STK10: variants seen among roughly 807,000 people sequenced by gnomAD.
STK10 encodes the protein serine/threonine kinase 10, also known as serine/threonine-protein kinase 10.
In STK10, 78 loss-of-function variants were observed where a neutral mutation model predicts 113.8. The ratio of observed to expected loss-of-function variants is 0.69; its 90% confidence interval spans 0.57 to 0.83. STK10 has a LOEUF of 0.83. Ranked by LOEUF, STK10 falls within the 40% of genes least tolerant of loss-of-function variation. The pLI is 0.00. For missense variants in STK10, 1,109 were observed against 1,280.1 expected, an observed-to-expected ratio of 0.87 and a Z score of 2.04; for synonymous variants, 465 against 494.7, an observed-to-expected ratio of 0.94 and a Z score of 0.80.
chr5:172,175,305 G>A (rs1031838517), intron 1 of STK10, among the ~76,000 whole-genome samples: 2 of 152,058 alleles, frequency 1.3e-5, no homozygotes, highest in African/African-American at 4.8e-5. Context: ...GTAAGCTATG[G>A]GGGGAGAAGG....
At chr5:172,161,952 T>A (rs894954687) in intron 1 of STK10, among the ~76,000 whole-genome samples, 1 of 152,236 alleles carries the variant, frequency 6.6e-6, no homozygotes, top group African/African-American at 2.4e-5. Context: ...GGACATTTCA[T>A]GATGGGCCAT....
In STK10 at chr5:172,140,912, A is replaced by C. The variant is rs1227293045; in HGVS notation, c.322-13491T>G. On this transcript the variant is annotated intron_variant, in intron 2 of 18. Coordinates refer to ENST00000176763, the MANE Select transcript of STK10 (RefSeq NM_005990.4). ...TGGATAAAGAAAATGTAGTATGTAC[A>C]CACAATGGATCCCTATTCTGCCTTA... is the stretch of plus-strand genomic sequence containing the variant. Among the ~76,000 whole-genome samples the C allele has an allele frequency of 2.6e-5, 4 of 152,194 alleles. No homozygotes were observed. The East Asian group carries it at 7.7e-4, about 29-fold the overall frequency.
chr5:172,106,946 T>C, intron 5 of STK10, 132 bp from the exon 6 acceptor site: 1 of 866,896 alleles, frequency 1.2e-6, no homozygotes, highest in Non-Finnish European at 1.7e-6. Context: ...TCTGCGTGAC[T>C]TTGCATCCCA....
Position 172,099,919 on chromosome 5 carries a change from T to G in STK10, c.871-3359A>C, listed in dbSNP as rs535635606. ...TCTGCTTTCTTGAGGCAGAATCATCTGCCCACTGCCTCCCTGACCACCCCA... is the reference window on the plus strand; with the variant it reads ...TCTGCTTTCTTGAGGCAGAATCATCGGCCCACTGCCTCCCTGACCACCCCA... On this transcript the variant is annotated intron_variant, in intron 7 of 18. Transcript: ENST00000176763. Among the ~76,000 whole-genome samples the G allele has an allele frequency of 9.1e-4, 138 of 152,344 alleles. 1 individual carries two copies. Among genetic ancestry groups the G allele is most frequent in the African/African-American group, 3.1e-3 (130 of 41,574 alleles).
chr5:172,053,034 C>G lies in STK10; in HGVS notation c.2661G>C (p.Lys887Asn). 6.2e-7 allele frequency: 1 copy of G among 1,614,028 alleles called. No individual in the cohort carries two copies. Among genetic ancestry groups the G allele is most frequent in the Non-Finnish European group, 8.5e-7 (1 of 1,179,950 alleles). Residue 887 changes from lysine to asparagine, a missense_variant, in exon 18 of 19, where the codon AAG becomes AAC. Lys to Asn is a moderately conservative substitution (Grantham distance 94). Coordinates refer to ENST00000176763, the MANE Select transcript of STK10 (RefSeq NM_005990.4). The part of the protein sequence containing the change: ...MSELQQLQNE[K>N]CHLLVEHETQ... ...TTTCGTGCTCTACCAGGAGGTGGCA[C>G]TTTTCATTCTGGAACAGATTCCAGG...
intron 1 of STK10, among the ~76,000 whole-genome samples, chr5:172,175,284 T>C (rs1184809301): frequency 1.3e-5 from 2 of 151,708 alleles, no homozygotes; most frequent in Admixed American, 6.6e-5. Flanking sequence ...TCTGTTAGTA[T>C]GAAAAAATCG....
intron 3 of STK10, 109 bp from the exon 4 acceptor site, chr5:172,117,739 G>A: frequency 6.8e-7 from 1 of 1,469,018 alleles, no homozygotes; most frequent in Non-Finnish European, 9.2e-7. Flanking sequence ...ATTAGGCCAG[G>A]CGTGGTGGCT....
At chr5:172,055,177 T>TA (rs11385901) in intron 16 of STK10, among the ~76,000 whole-genome samples, 99,604 of 151,728 alleles carry the variant, frequency 0.66, 33,549 homozygotes, top group African/African-American at 0.78. Context: ...CAAGACCTTA[T>TA]GGCGGGTGGG....
intron 15 of STK10, 49 bp downstream of exon 15, chr5:172,057,300 C>T: frequency 6.4e-7 from 1 of 1,560,376 alleles, no homozygotes; most frequent in Non-Finnish European, 8.6e-7. Context: ...ATGGCTCTCC[C>T]AGGTCGGCCC....
chr5:172,177,443 C>G (rs904087533), intron 1 of STK10, among the ~76,000 whole-genome samples: 1 of 152,226 alleles, frequency 6.6e-6, no homozygotes, highest in African/African-American at 2.4e-5. Flanking sequence ...CTGGCCCTGG[C>G]CCATGCCCAC....
chr5:172,059,271 A>G (rs922251477), intron 14 of STK10, among the ~76,000 whole-genome samples: 1 of 151,938 alleles, frequency 6.6e-6, no homozygotes, highest in African/African-American at 2.4e-5. Flanking sequence ...AAATATAAAA[A>G]ATTAGCTGGA....
chr5:172,156,369 T>A (rs1329024673), intron 2 of STK10, among the ~76,000 whole-genome samples: 2 of 152,200 alleles, frequency 1.3e-5, no homozygotes, highest in Non-Finnish European at 2.9e-5. Context: ...TTATTAAGCT[T>A]GTAAACAGCA....
At chr5:172,102,458 G>A (rs753943929) in intron 7 of STK10, among the ~76,000 whole-genome samples, 1 of 152,196 alleles carries the variant, frequency 6.6e-6, no homozygotes, top group Non-Finnish European at 1.5e-5. Flanking sequence ...ACAGCTGGAC[G>A]CGGGCCGAGG....
chr5:172,101,468 T>TC (rs1409539054), intron 7 of STK10, among the ~76,000 whole-genome samples: 259 of 123,082 alleles, frequency 2.1e-3, no homozygotes, highest in African/African-American at 9.4e-3. Context: ...AGACTCCGTC[T>TC]CCAAAAAAAA....
intron 2 of STK10, 66 bp from the exon 3 acceptor site, chr5:172,127,487 C>T (rs1336727764): frequency 2.5e-6 from 4 of 1,570,096 alleles, no homozygotes; most frequent in Middle Eastern, 1.7e-4. Flanking sequence ...GGGAACCCCA[C>T]AGGCCCATTG....
chr5:172,177,510 C>T (rs1393379999), intron 1 of STK10, among the ~76,000 whole-genome samples: 6 of 152,208 alleles, frequency 3.9e-5, no homozygotes, highest in South Asian at 2.1e-4. Flanking sequence ...CCAGATCTGT[C>T]GTGCCCAACA....
intron 17 of STK10, among the ~76,000 whole-genome samples, chr5:172,053,642 G>A (rs1253068259): frequency 6.6e-6 from 1 of 152,180 alleles, no homozygotes; most frequent in South Asian, 2.1e-4. Flanking sequence ...TTTCTTGCAG[G>A]GAATCAGTCT....
In STK10 at chr5:172,110,032, C is replaced by A. The variant is rs527585367; in HGVS notation, c.521-2180G>T. Among the ~76,000 whole-genome samples the A allele has an allele frequency of 7.9e-5, 12 of 152,376 alleles. No homozygotes were observed. The South Asian group carries it at 2.3e-3, about 29-fold the overall frequency. On this transcript the variant is annotated intron_variant, in intron 4 of 18. Transcript: ENST00000176763. ...GAATACGGGAGAACTTGGTTCCAGC[C>A]TCTGCTCTTCTGCTTCACTGTCCAC...
Position 172,188,016 on chromosome 5 carries a change from G to A in STK10, c.27C>T (p.Ile9=), listed in dbSNP as rs1342849042. The change falls in exon 1 of 19, where the codon ATC becomes ATT. Residue 9 remains isoleucine, a synonymous_variant. Coordinates refer to ENST00000176763, the MANE Select transcript of STK10 (RefSeq NM_005990.4). This position sits in a 1 kb window ranked among gnomAD's most constrained non-coding sequence, Gnocchi z 5.6. ...TCTTCTCGAAGGTAGACAGGCGCAG[G>A]ATGCGGCGGAAATTGGCAAAAGCCA... MAFANFRR[I]LRLSTFEKRK... 4 of 1,612,978 alleles carry A rather than the reference G, an allele frequency of 2.5e-6. No homozygotes were observed. The African/African-American group carries it at 4.0e-5, about 16-fold the overall frequency.
Sources: allele counts gnomAD v4.1 joint callset (sites outside exome capture counted in the v4.1 genomes callset), GRCh38; gene constraint gnomAD v4.1.1; non-coding constraint Gnocchi (gnomAD v3.1); transcripts MANE v1.5; gene names NCBI Gene and HGNC (gene_info 2026-07-23, HGNC 2026-07-21).